Variants in CIITA observed in about 807,000 individuals in gnomAD.
The protein encoded by CIITA is MHC class II transactivator.
In CIITA, 72 loss-of-function variants were observed where a neutral mutation model predicts 115.1. The ratio of observed to expected loss-of-function variants is 0.63; its 90% CI spans 0.52 to 0.76. CIITA has a LOEUF of 0.76. Ranked by LOEUF, CIITA falls within the 30% of genes least tolerant of loss-of-function variation. CIITA has a pLI of 0.00. For synonymous variants in CIITA, 763 were observed against 635.6 expected (o/e 1.20, Z -3.02); for missense variants, 1,617 against 1,463.8 (o/e 1.10, Z -1.71).
At chr16:10,895,892 G>A in intron 3 of CIITA, 128 bp downstream of exon 3, 1 of 921,254 alleles carries the variant, frequency 1.1e-6, no homozygotes, top group Non-Finnish European at 1.7e-6. Context: ...CAAGGGGGAT[G>A]CGGAGCAATG....
At chr16:10,866,928 A>G (rs2035111141) in intron 1 of CIITA, among the ~76,000 whole-genome samples, 1 of 152,182 alleles carries the variant, frequency 6.6e-6, no homozygotes, top group Non-Finnish European at 1.5e-5. Flanking sequence ...AGATGGATGC[A>G]GGCACAATCA....
chr16:10,886,556 G>A (rs2036972454), intron 1 of CIITA, among the ~76,000 whole-genome samples: 2 of 152,112 alleles, frequency 1.3e-5, no homozygotes, highest in South Asian at 2.1e-4. Flanking sequence ...ATGATGCCAG[G>A]TCGTTCTCCA....
At chr16:10,904,894 C>T in intron 10 of CIITA, 82 bp downstream of exon 10, 4 of 1,363,158 alleles carry the variant, frequency 2.9e-6, no homozygotes, top group East Asian at 2.3e-5. Context: ...TCACTTGACA[C>T]TTATTCAACC....
At chr16:10,903,691 T>C in intron 8 of CIITA, 40 bp from the exon 9 acceptor site, 1 of 1,612,338 alleles carries the variant, frequency 6.2e-7, no homozygotes, top group Non-Finnish European at 8.5e-7. Context: ...CTGGAATCAA[T>C]ACCTGGTTAT....
At chr16:10,876,020 G>C (rs576804528), upstream of CIITA, among the ~76,000 whole-genome samples, 43 of 152,210 alleles carry the variant, frequency 2.8e-4, no homozygotes, top group African/African-American at 1.0e-3. Context: ...CATAGTGGCA[G>C]GTGCCTGTAA....
At chr16:10,877,620 G>T (rs1038420395) in intron 1 of CIITA, among the ~76,000 whole-genome samples, 2 of 152,144 alleles carry the variant, frequency 1.3e-5, no homozygotes, top group South Asian at 2.1e-4. Context: ...GCACCGAAAG[G>T]TTCTAGAAGT....
At position 10,918,505 on chromosome 16, in the gene CIITA, C is replaced by T. The variant is rs1263076402; in HGVS notation, c.3128C>T (p.Ala1043Val). 6.2e-7 allele frequency: 1 copy of T among 1,614,180 alleles called. No individual in the cohort carries two copies. ...CTCGCCGAGGCCCTGCCTTCGCTCG[C>T]TGCATCCCTGCTCAGGCTAAGGTGA... ...YKLAEALPSL[A>V]ASLLRLSLYN... Residue 1043 changes from alanine (A) to valine (V), a missense_variant, in exon 16 of 20, where the codon GCT becomes GTT. Physicochemically the swap from Ala to Val is moderately conservative, Grantham distance 64. Coordinates refer to ENST00000324288, the MANE Select transcript of CIITA (RefSeq NM_000246.4).
At chr16:10,883,442 A>C (rs1214841764) in intron 1 of CIITA, among the ~76,000 whole-genome samples, 1 of 152,204 alleles carries the variant, frequency 6.6e-6, no homozygotes, top group Non-Finnish European at 1.5e-5. Context: ...TCCTGGGACC[A>C]CCAGGCCCCT....
At chr16:10,940,615 C>T, downstream of CIITA, 1 of 152,628 alleles carries the variant, frequency 6.6e-6, no homozygotes, top group Non-Finnish European at 1.5e-5. This position sits in a 1 kb window ranked among gnomAD's most constrained non-coding sequence, Gnocchi z 4.2. Flanking sequence ...CCAGACCTGG[C>T]AGCTGCCTGA....
At position 10,935,904 on chromosome 16, in the gene CIITA, C is replaced by T. The variant is rs557788488; in HGVS notation, c.*12049C>T. The T allele has an allele frequency of 3.3e-5, 5 of 152,122 alleles. No individual in the cohort carries two copies. The highest frequency in any genetic ancestry group is 2.6e-4 in the Admixed American group (4 of 15,274). 9.4% of individuals were successfully genotyped at this position (152,122 alleles called of 1,614,324 possible). ...GAGCTGATCCAGACTGAAGAAGGCT[C>T]GAGATTAATGCAAAAGCTGATCTGG... On this transcript the variant is annotated 3_prime_UTR_variant, in exon 20 of 20. Transcript: ENST00000324288.
Position 10,923,078 on chromosome 16 carries a change from C to G in CIITA, c.3318-150C>G, listed in dbSNP as rs201723700. 20 of 724,898 alleles carry G rather than the reference C, an allele frequency of 2.8e-5. No individual in the cohort carries two copies. The East Asian group carries it at 4.7e-4, about 17-fold the overall frequency. 44.9% of individuals were successfully genotyped at this position (724,898 alleles called of 1,614,324 possible). A position where few individuals can be genotyped will look rare whatever the true frequency, so the allele number is the denominator to read the frequency against. Reference sequence around the variant, plus strand: ...GGGCCTCCTAGGCTTCTCCTTTTCCCCATGACCCACACCGGTCGGTATCTT... The same window carrying G: ...GGGCCTCCTAGGCTTCTCCTTTTCCGCATGACCCACACCGGTCGGTATCTT... On this transcript the variant is annotated intron_variant, in intron 18 of 19. Transcript: ENST00000324288. This position sits in a 1 kb window ranked among gnomAD's most constrained non-coding sequence, Gnocchi z 5.2.
Position 10,909,137 on chromosome 16 carries a change from C to T in CIITA, c.2766C>T (p.Ala922=), listed in dbSNP as rs1236470421. The part of the protein sequence containing the change: ...EEKFTIEPFK[A]KSLKDVEDLG... ...AGTTCACCATCGAGCCTTTCAAAGC[C>T]AAGTCCCTGAAGGATGTGGAAGACC... The change falls in exon 12 of 20, where the codon GCC becomes GCT. Residue 922 remains alanine (A), a synonymous_variant. Coordinates refer to ENST00000324288, the MANE Select transcript of CIITA (RefSeq NM_000246.4). 1 of 1,614,132 alleles carries T rather than the reference C, an allele frequency of 6.2e-7. No homozygotes were observed. Among genetic ancestry groups the T allele is most frequent in the Non-Finnish European group, 8.5e-7 (1 of 1,180,056 alleles).
At chr16:10,885,313 C>G (rs1025978708) in intron 1 of CIITA, among the ~76,000 whole-genome samples, 1 of 152,200 alleles carries the variant, frequency 6.6e-6, no homozygotes, top group Non-Finnish European at 1.5e-5. Flanking sequence ...GCTCATCTGA[C>G]CTCCTGCCCC....
intron 13 of CIITA, among the ~76,000 whole-genome samples, chr16:10,913,709 G>A (rs886336092): frequency 6.6e-6 from 1 of 151,912 alleles, no homozygotes; most frequent in African/African-American, 2.4e-5. Flanking sequence ...GGAGGCCGAG[G>A]CAGGTGGATC....
intron 13 of CIITA, 87 bp downstream of exon 13, chr16:10,910,346 G>C (rs2039476455): frequency 2.7e-6 from 3 of 1,101,614 alleles, no homozygotes; most frequent in Non-Finnish European, 4.1e-6. Context: ...AATGGAGATA[G>C]ATCTCCAGAA....
At chr16:10,908,472 G>A (rs896543118) in intron 11 of CIITA, 43 of 470,608 alleles carry the variant, frequency 9.1e-5, no homozygotes, top group Middle Eastern at 6.0e-4. Context: ...GCACGCCACC[G>A]TTTTCTTATG....
Position 10,922,187 on chromosome 16 carries a change from G to C in CIITA, c.3170G>C (p.Cys1057Ser). ...GACAGCTTGTACAATAACTGCATCTGCGACGTGGGAGCCGAGAGCTTGGCT... is the reference window on the plus strand; with the variant it reads ...GACAGCTTGTACAATAACTGCATCTCCGACGTGGGAGCCGAGAGCTTGGCT... ...LRLSLYNNCI[C>S]DVGAESLARV... Residue 1057 changes from cysteine to serine, a missense_variant, in exon 17 of 20, where the codon TGC (cysteine) becomes TCC (serine). Cys to Ser is a moderately radical substitution (Grantham distance 112, BLOSUM62 -1). Transcript: ENST00000324288. The C allele has an allele frequency of 6.2e-7, 1 of 1,614,228 alleles. No homozygotes were observed. Among genetic ancestry groups the C allele is most frequent in the Non-Finnish European group, 8.5e-7 (1 of 1,180,042 alleles).
Position 10,902,741 on chromosome 16 carries a change from C to T in CIITA, c.712C>T (p.His238Tyr), listed in dbSNP as rs150307400. Residue 238 changes from histidine (H) to tyrosine (Y), a missense_variant, in exon 8 of 20, where the codon CAT becomes TAT. By Grantham distance (83) the His-to-Tyr change is moderately conservative (BLOSUM62 2). Coordinates refer to ENST00000324288, the MANE Select transcript of CIITA (RefSeq NM_000246.4). The part of the protein sequence containing the change: ...QFVPTISTLP[H>Y]GLWQISEAGT... Reference sequence around the variant, plus strand: ...TGTCCCCACCATCTCCACTCTGCCCCATGGGCTCTGGCAAATCTCTGAGGC... The same window carrying T: ...TGTCCCCACCATCTCCACTCTGCCCTATGGGCTCTGGCAAATCTCTGAGGC... The T allele has an allele frequency of 9.5e-5, 153 of 1,614,230 alleles. No homozygotes were observed. The African/African-American group carries it at 1.8e-3, about 19-fold the overall frequency.
intron 1 of CIITA, among the ~76,000 whole-genome samples, chr16:10,866,802 G>A (rs966790643): frequency 5.9e-5 from 9 of 152,198 alleles, no homozygotes; most frequent in Admixed American, 4.6e-4. Flanking sequence ...CCAGGGGCAC[G>A]CAGCCAAATG....
Sources: gnomAD v4.1 joint callset for allele counts (sites outside exome capture counted in the v4.1 genomes callset) on GRCh38, gnomAD v4.1.1 for gene constraint, Gnocchi (gnomAD v3.1) non-coding constraint, MANE v1.5 for transcripts, NCBI Gene and HGNC (gene_info 2026-07-23, HGNC 2026-07-21) for gene names.